The following SYCP2L variants were observed in gnomAD, a reference collection of about 807,000 sequenced individuals.
SYCP2L encodes synaptonemal complex protein 2 like, also known as synaptonemal complex protein 2-like.
A neutral mutation model predicts 125.8 loss-of-function variants in SYCP2L; 98 were observed. The ratio of observed to expected loss-of-function variants is 0.78; its 90% CI spans 0.66 to 0.92. SYCP2L has a LOEUF of 0.92. Ranked by LOEUF, SYCP2L falls within the 40% of genes least tolerant of loss-of-function variation. SYCP2L has a pLI of 0.00. For missense variants in SYCP2L, 842 were observed against 936.4 expected, an observed-to-expected ratio of 0.90 and a Z score of 1.32; for synonymous variants, 317 against 325.4, an observed-to-expected ratio of 0.97 and a Z score of 0.28.
chr6:10,960,025 G>T (rs567387780), intron 26 of SYCP2L, among the ~76,000 whole-genome samples: 1 of 152,204 alleles, frequency 6.6e-6, no homozygotes, highest in South Asian at 2.1e-4. Context: ...GTAGTGGAGG[G>T]ATGGGTTTCT....
At chr6:10,917,718 TA>T (rs1416109103) in intron 14 of SYCP2L, among the ~76,000 whole-genome samples, 2 of 152,166 alleles carry the variant, frequency 1.3e-5, no homozygotes, top group African/African-American at 4.8e-5. Context: ...GTTTTGTTTG[TA>T]ATATTGTATT....
intron 21 of SYCP2L, among the ~76,000 whole-genome samples, chr6:10,941,700 TTGG>T (rs1487266756): frequency 1.3e-5 from 2 of 152,208 alleles, no homozygotes; most frequent in East Asian, 1.9e-4. Flanking sequence ...TTTTACACTG[TTGG>T]TGGGAGTGTA....
intron 6 of SYCP2L, among the ~76,000 whole-genome samples, chr6:10,902,110 G>C (rs1780386454): frequency 6.6e-6 from 1 of 152,204 alleles, no homozygotes; most frequent in Non-Finnish European, 1.5e-5. Context: ...AGCCAGTCTA[G>C]ATTTACCCCT....
intron 14 of SYCP2L, among the ~76,000 whole-genome samples, chr6:10,921,846 C>T (rs1780804438): frequency 6.6e-6 from 1 of 151,988 alleles, no homozygotes; most frequent in African/African-American, 2.4e-5. Flanking sequence ...GCTGGGACTA[C>T]AGGCGCCCGC....
At chr6:10,964,227 G>A (rs1781642017) in intron 29 of SYCP2L, among the ~76,000 whole-genome samples, 1 of 152,178 alleles carries the variant, frequency 6.6e-6, no homozygotes, top group Non-Finnish European at 1.5e-5. Flanking sequence ...AAAGTGCTGG[G>A]ATTACAGGCG....
chr6:10,920,372 C>T (rs997810406), intron 14 of SYCP2L, among the ~76,000 whole-genome samples: 1 of 152,142 alleles, frequency 6.6e-6, no homozygotes. Context: ...CCTATACCAC[C>T]ATACCCAGCT....
intron 23 of SYCP2L, among the ~76,000 whole-genome samples, chr6:10,950,791 G>A (rs1488817498): frequency 6.6e-6 from 1 of 152,012 alleles, no homozygotes; most frequent in Admixed American, 6.6e-5. Flanking sequence ...CTCCCAAGTA[G>A]GTAGGACTAC....
intron 21 of SYCP2L, among the ~76,000 whole-genome samples, chr6:10,941,975 TA>T (rs567107518): frequency 0.023 from 3,529 of 152,030 alleles, 139 homozygotes; most frequent in African/African-American, 0.071. Flanking sequence ...TATGCAGCCA[TA>T]AAAAATGATG....
At chr6:10,952,373 G>T (rs184137928) in intron 23 of SYCP2L, among the ~76,000 whole-genome samples, 1 of 152,144 alleles carries the variant, frequency 6.6e-6, no homozygotes, top group African/African-American at 2.4e-5. Context: ...CCATCCAACT[G>T]GATGATCCCT....
chr6:10,903,428 G>A (rs566043455), intron 8 of SYCP2L, among the ~76,000 whole-genome samples: 1 of 152,282 alleles, frequency 6.6e-6, no homozygotes, highest in South Asian at 2.1e-4. Context: ...GGCACCTGTA[G>A]TCCCAGCTAC....
At position 10,887,098 on chromosome 6, in the gene SYCP2L, C is replaced by T. The variant is rs1012490284; in HGVS notation, c.-29C>T. 8.7e-6 allele frequency: 14 copies of T among 1,614,038 alleles called. No individual in the cohort carries two copies. The highest frequency in any genetic ancestry group is 1.2e-5 in the Non-Finnish European group (14 of 1,179,942). Reference sequence around the variant, plus strand: ...CCGAGCGCAACAAAGCTGAGCGGCGCGTCGCTTCAGGAACGAAGAAGCCTC... The same window carrying T: ...CCGAGCGCAACAAAGCTGAGCGGCGTGTCGCTTCAGGAACGAAGAAGCCTC... On this transcript the variant is annotated 5_prime_UTR_variant, in exon 1 of 30. Transcript: ENST00000283141.
chr6:10,900,778 T>C (rs1780362998), intron 6 of SYCP2L, among the ~76,000 whole-genome samples: 1 of 152,064 alleles, frequency 6.6e-6, no homozygotes. Flanking sequence ...CTCCAACATA[T>C]GAATTTCGGG....
chr6:10,955,193 A>G lies in SYCP2L; in HGVS notation c.2032A>G (p.Ile678Val), dbSNP rs1038889023. 4 of 1,612,520 alleles carry G rather than the reference A, an allele frequency of 2.5e-6. No individual in the cohort carries two copies. Among genetic ancestry groups the G allele is most frequent in the East Asian group, 2.2e-5 (1 of 44,862 alleles). The change falls in exon 24 of 30, where the codon ATA becomes GTA. Residue 678 changes from isoleucine to valine, a missense_variant. Ile to Val is a conservative substitution (Grantham distance 29, BLOSUM62 3). Coordinates refer to ENST00000283141, the MANE Select transcript of SYCP2L (RefSeq NM_001040274.3). ...GGTTGCTCCGGGATCCCCTTTCTCA[A>G]TAACAGAAGAAAGAGAGTTGCCAGG... The part of the protein sequence containing the change: ...EEVAPGSPFS[I>V]TEERELPEGI...
At chr6:10,938,031 A>C (rs954601759) in intron 21 of SYCP2L, among the ~76,000 whole-genome samples, 1 of 152,198 alleles carries the variant, frequency 6.6e-6, no homozygotes, top group African/African-American at 2.4e-5. Context: ...CAAAAAACTG[A>C]GGTGGACAGA....
intron 8 of SYCP2L, 100 bp from the exon 9 acceptor site, chr6:10,905,920 C>A: frequency 2.7e-6 from 2 of 743,156 alleles, no homozygotes; most frequent in Middle Eastern, 2.9e-4. Context: ...GAAATAGTTT[C>A]AGAAACATAT....
At chr6:10,933,970 T>G (rs1781045851) in intron 20 of SYCP2L, among the ~76,000 whole-genome samples, 1 of 152,224 alleles carries the variant, frequency 6.6e-6, no homozygotes, top group South Asian at 2.1e-4. Flanking sequence ...TCATTGATCA[T>G]TTAGGATTTT....
At chr6:10,961,193 GAAAT>G (rs1781586812) in intron 26 of SYCP2L, 108 bp from the exon 27 acceptor site, 1 of 821,788 alleles carries the variant, frequency 1.2e-6, no homozygotes. Context: ...CCCATGACAA[GAAAT>G]GTCTGGAGAA....
At chr6:10,910,332 G>C in intron 11 of SYCP2L, 132 bp downstream of exon 11, 1 of 814,582 alleles carries the variant, frequency 1.2e-6, no homozygotes, top group Non-Finnish European at 1.9e-6. Context: ...ATACTGAGTT[G>C]TCCATTGAGT....
rs568396965 is a variant in SYCP2L, at chr6:10,964,025, T to C, written c.*37+182T>C. Among the ~76,000 whole-genome samples, 10 of 151,524 alleles carry C rather than the reference T, an allele frequency of 6.6e-5. No homozygotes were observed. The East Asian group carries it at 1.9e-3, about 29-fold the overall frequency. On this transcript the variant is annotated intron_variant, in intron 29 of 29. Transcript: ENST00000283141. ...CAGGCTGGAGTGCAGTGGCATGATC[T>C]CGGCTCACTGCAAGCTCCGCCTCCC...
Sources: gnomAD v4.1 joint callset for allele counts (sites outside exome capture counted in the v4.1 genomes callset) on GRCh38, gnomAD v4.1.1 for gene constraint, MANE v1.5 for transcripts, NCBI Gene and HGNC (gene_info 2026-07-23, HGNC 2026-07-21) for gene names.